The following ABR variants were observed in gnomAD, a reference collection of about 807,000 sequenced individuals.
ABR encodes active breakpoint cluster region-related protein.
In ABR, 35 loss-of-function variants were observed where a neutral mutation model predicts 107.2. The observed-to-expected ratio is 0.33, with a 90% confidence interval of 0.25 to 0.43. The LOEUF (loss-of-function observed/expected upper bound fraction) is 0.43, where lower values mean the gene tolerates loss of function less well. Ranked by LOEUF, ABR falls within the 20% of genes least tolerant of loss-of-function variation. The pLI is 1.00. For synonymous variants in ABR, 498 were observed against 462.0 expected, an observed-to-expected ratio of 1.08 and a Z score of -1.00; for missense variants, 815 against 1,115.2, an observed-to-expected ratio of 0.73 and a Z score of 3.83.
At chr17:1,086,288 T>C (rs964856488) in intron 4 of ABR, among the ~76,000 whole-genome samples, 1 of 152,198 alleles carries the variant, frequency 6.6e-6, no homozygotes, top group African/African-American at 2.4e-5. Flanking sequence ...ACCATCTCAC[T>C]TTTCCTCCTC....
intron 2 of ABR, among the ~76,000 whole-genome samples, chr17:1,111,400 G>A (rs920465626): frequency 6.6e-5 from 10 of 152,070 alleles, no homozygotes; most frequent in African/African-American, 1.4e-4. Flanking sequence ...ACAGGCCCTC[G>A]GTGCCCCCCT....
rs2033012553 is a variant in ABR at position 1,054,563 on chromosome 17, AGAACCTGAGGGGATGGGGGCACAAG to A, written c.1561+1447_1561+1471del. Among the ~76,000 whole-genome samples the A allele has an allele frequency of 1.4e-4, 3 of 21,472 alleles. No homozygotes were observed. The Admixed American group carries it at 1.4e-3, about 10-fold the overall frequency. The allele number at this position is 21,472 out of a possible 152,430, so 14.1% of individuals were successfully genotyped here. A position where few individuals can be genotyped will look rare whatever the true frequency, so the allele number is the denominator to read the frequency against. Reference sequence around the variant, plus strand: ...AGAACCTGAGGGGACGGGGGCACAAAGAACCTGAGGGGATGGGGGCACAAGGAACCTGAGGGGATGGGGGCACAAG... The same window carrying A: ...AGAACCTGAGGGGACGGGGGCACAAAGAACCTGAGGGGATGGGGGCACAAG... On this transcript the variant is annotated intron_variant, in intron 14 of 22. Transcript: ENST00000302538.
chr17:1,076,723 TGGGGGTGGG>T (rs1423099437), intron 6 of ABR, among the ~76,000 whole-genome samples: 1 of 12,896 alleles, frequency 7.8e-5, no homozygotes, highest in Admixed American at 6.0e-4. Flanking sequence ...ACGGGGGGGG[TGGGGGTGGG>T]GGGGGTGGCG....
chr17:1,170,628 G>A (rs539205968), intron 1 of ABR, among the ~76,000 whole-genome samples: 7 of 152,080 alleles, frequency 4.6e-5, no homozygotes, highest in African/African-American at 1.7e-4. Context: ...TAGAAACGGG[G>A]TTTCATCATG....
chr17:1,019,520 C>T (rs74334794), intron 16 of ABR, among the ~76,000 whole-genome samples: 8,205 of 152,150 alleles, frequency 0.054, 658 homozygotes, highest in African/African-American at 0.18. Flanking sequence ...CCCTGGTATC[C>T]GCTCAGAGAG....
At chr17:1,152,978 G>A (rs1478333128) in intron 1 of ABR, among the ~76,000 whole-genome samples, 1 of 152,008 alleles carries the variant, frequency 6.6e-6, no homozygotes, top group Non-Finnish European at 1.5e-5. Context: ...TGTAGTCCCA[G>A]CTACTTGGGC....
At position 1,210,082 on chromosome 17, in the gene ABR, A is replaced by C. The variant is rs753073087; in HGVS notation, c.838+18711T>G. On this transcript the variant is annotated intron_variant, in intron 1 of 22. Coordinates refer to the ABR transcript ENST00000574139. The surrounding 1 kb of genome is among the most constrained non-coding windows in gnomAD (Gnocchi z 5.6). The stretch of plus-strand genomic sequence containing the variant: ...GCAAAGACACCTAAATTAGTAAAGC[A>C]CTAAATTAGTGACGGCTGATCTCTT... Among the ~76,000 whole-genome samples, 1 of 152,238 alleles carries C rather than the reference A, an allele frequency of 6.6e-6. No individual in the cohort carries two copies. Among genetic ancestry groups the C allele is most frequent in the Non-Finnish European group, 1.5e-5 (1 of 68,034 alleles).
intron 1 of ABR, among the ~76,000 whole-genome samples, chr17:1,128,243 G>A (rs796332952): frequency 1.1e-4 from 16 of 152,310 alleles, no homozygotes; most frequent in African/African-American, 3.4e-4. Flanking sequence ...ACCAATCCTC[G>A]GAGAAGGCAG....
intron 1 of ABR, among the ~76,000 whole-genome samples, chr17:1,173,730 A>G (rs2041830607): frequency 6.6e-6 from 1 of 152,130 alleles, no homozygotes; most frequent in Non-Finnish European, 1.5e-5. Flanking sequence ...CAGACAACCA[A>G]CACCTATGGA....
intron 16 of ABR, among the ~76,000 whole-genome samples, chr17:1,021,337 C>G (rs1323767325): frequency 6.6e-6 from 1 of 152,222 alleles, no homozygotes; most frequent in East Asian, 1.9e-4. Context: ...GTCACTCCCA[C>G]CGCCCAGGAG....
Position 1,078,929 on chromosome 17 carries a change from C to T in ABR, c.700+401G>A, listed in dbSNP as rs1414718681. ...GGCTCCCCGGCGCCCACCAGCAGCC[C>T]GGCCACTCAGCCACCTTGCTGATGC... On this transcript the variant is annotated intron_variant, in intron 6 of 22. Coordinates refer to ENST00000302538, the MANE Select transcript of ABR (RefSeq NM_021962.5). This position sits in a 1 kb window ranked among gnomAD's most constrained non-coding sequence, Gnocchi z 7.5. 5.2e-6 allele frequency: 8 copies of T among 1,530,762 alleles called. No homozygotes were observed. The highest frequency in any genetic ancestry group is 4.8e-5 in the South Asian group (4 of 83,590). 94.8% of individuals were successfully genotyped at this position (1,530,762 alleles called of 1,614,324 possible).
In ABR at chr17:1,037,013, AT is replaced by A. The variant is rs1567625465; in HGVS notation, c.1791+13036del. The stretch of plus-strand genomic sequence containing the variant: ...CTTCCTTCCATCCTTCCTTCCTTCC[AT>A]CCTTCCTTCCTTCCATCCATCCACC... On this transcript the variant is annotated intron_variant, in intron 16 of 22. Coordinates refer to ENST00000302538, the MANE Select transcript of ABR (RefSeq NM_021962.5). This position sits in a 1 kb window ranked among gnomAD's most constrained non-coding sequence, Gnocchi z 4.6. 2.0e-5 allele frequency among the ~76,000 whole-genome samples: 3 copies of A among 150,970 alleles called. No homozygotes were observed. The highest frequency in any genetic ancestry group is 4.9e-5 in the African/African-American group (2 of 40,948).
intron 1 of ABR, among the ~76,000 whole-genome samples, chr17:1,185,516 G>C (rs964229234): frequency 6.6e-6 from 1 of 151,802 alleles, no homozygotes; most frequent in African/African-American, 2.4e-5. Context: ...GTGGTGGCGG[G>C]CACCTGTAAT....
rs2042060879 is a variant in ABR at position 1,179,819 on chromosome 17, G to A, written c.-92C>T. 2 of 1,299,266 alleles carry A rather than the reference G, an allele frequency of 1.5e-6. No homozygotes were observed. Among genetic ancestry groups the A allele is most frequent in the South Asian group, 1.7e-5 (1 of 57,930 alleles). 80.5% of individuals were successfully genotyped at this position (1,299,266 alleles called of 1,614,324 possible). A position where few individuals can be genotyped will look rare whatever the true frequency, so the allele number is the denominator to read the frequency against. On this transcript the variant is annotated 5_prime_UTR_variant, in exon 1 of 23. Coordinates refer to ENST00000302538, the MANE Select transcript of ABR (RefSeq NM_021962.5). The surrounding 1 kb of genome is among the most constrained non-coding windows in gnomAD (Gnocchi z 4.9). ...GCGGGAGCCGGGGGAGGCCGAAGTT[G>A]CGAGCGCGGAGGGGCGAGGAGGCCG...
intron 2 of ABR, among the ~76,000 whole-genome samples, chr17:1,105,398 T>C (rs1439360982): frequency 2.0e-5 from 3 of 152,202 alleles, no homozygotes; most frequent in Non-Finnish European, 4.4e-5. Flanking sequence ...TATTAAAATA[T>C]ATACTTAACC....
Position 1,005,627 on chromosome 17 carries a change from C to T in ABR, c.*453G>A, listed in dbSNP as rs1390301097. ...TGGAGGAAGACTGAGGGGAGGCTGC[C>T]AGGAGACCGCCATCTGGGAGCAGGG... On this transcript the variant is annotated 3_prime_UTR_variant, in exon 23 of 23. Coordinates refer to ENST00000302538, the MANE Select transcript of ABR (RefSeq NM_021962.5). 4 of 197,876 alleles carry T rather than the reference C, an allele frequency of 2.0e-5. No individual in the cohort carries two copies. In the Admixed American group the frequency reaches 2.3e-4, roughly 11 times the overall value. 12.3% of individuals were successfully genotyped at this position (197,876 alleles called of 1,614,324 possible).
intron 1 of ABR, among the ~76,000 whole-genome samples, chr17:1,127,793 A>G (rs1311433707): frequency 6.6e-6 from 1 of 151,928 alleles, no homozygotes; most frequent in Non-Finnish European, 1.5e-5. Context: ...AACGGGGGGG[A>G]AGGGACGGTA....
intron 1 of ABR, among the ~76,000 whole-genome samples, chr17:1,212,617 TG>T (rs2042924052): frequency 6.6e-6 from 1 of 151,988 alleles, no homozygotes; most frequent in African/African-American, 2.4e-5. Flanking sequence ...TGGCCGGGCA[TG>T]GTGGCTCACG....
chr17:1,108,783 C>T, intron 2 of ABR: 1 of 1,023,112 alleles, frequency 9.8e-7, no homozygotes, highest in Non-Finnish European at 1.3e-6. Flanking sequence ...GCCCGCCCCT[C>T]TCCCCCGGGA....
Sources: gnomAD v4.1 joint callset for allele counts (sites outside exome capture counted in the v4.1 genomes callset) on GRCh38, gnomAD v4.1.1 for gene constraint, Gnocchi (gnomAD v3.1) non-coding constraint, MANE v1.5 for transcripts, NCBI Gene and HGNC (gene_info 2026-07-23, HGNC 2026-07-21) for gene names.